The following SLC35B1 variants were observed in gnomAD, a reference collection of about 807,000 sequenced individuals.
The protein encoded by SLC35B1 is solute carrier family 35 member B1.
SLC35B1 carries 27 observed loss-of-function variants against 36.6 expected under a neutral mutation model. That is an observed-to-expected ratio of 0.74 (90% CI 0.54 to 1.02). The LOEUF is 1.02. Among genes scored for constraint, SLC35B1 ranks in the 50% least tolerant of loss-of-function variants. The probability of loss-of-function intolerance (pLI) is 0.00; values close to 1 mark genes in which losing one functional copy is unlikely to be tolerated. For missense variants in SLC35B1, 321 were observed against 383.2 expected (o/e 0.84, Z 1.35); for synonymous variants, 162 against 152.5 (o/e 1.06, Z -0.46).
chr17:49,708,087 C>T (rs1038613903), upstream of SLC35B1: 10 of 759,462 alleles, frequency 1.3e-5, no homozygotes, highest in African/African-American at 5.2e-5. Context: ...TTGGCTCCAT[C>T]CCTGAGGGCC....
Position 49,707,352 on chromosome 17 carries a change from G to C in SLC35B1, c.105-284C>G, listed in dbSNP as rs547909061. On this transcript the variant is annotated intron_variant, in intron 1 of 8. Transcript: ENST00000240333. ...TAGTGAAATCAGGTACCCCAGGCAG[G>C]AGGAGACGGTATTTCGGCTATGGCA... 2.8e-6 allele frequency: 4 copies of C among 1,431,624 alleles called. No individual in the cohort carries two copies. In the East Asian group the frequency reaches 9.7e-5, roughly 35 times the overall value. 88.7% of individuals were successfully genotyped at this position (1,431,624 alleles called of 1,614,324 possible). A position where few individuals can be genotyped will look rare whatever the true frequency, so the allele number is the denominator to read the frequency against.
intron 7 of SLC35B1, 36 bp from the exon 8 acceptor site, chr17:49,703,047 T>C (rs2073371104): frequency 1.2e-6 from 2 of 1,613,000 alleles, no homozygotes; most frequent in Non-Finnish European, 1.7e-6. Context: ...GGTGGGCTTC[T>C]GGGTATCTGC....
At chr17:49,701,565 A>G in intron 8 of SLC35B1, 55 bp from the exon 9 acceptor site, 1 of 1,499,622 alleles carries the variant, frequency 6.7e-7, no homozygotes, top group East Asian at 2.3e-5. Context: ...AAACTTACCA[A>G]TGATTGTGGT....
At chr17:49,701,543 T>A (rs2073351379) in intron 8 of SLC35B1, 33 bp from the exon 9 acceptor site, 1 of 1,597,048 alleles carries the variant, frequency 6.3e-7, no homozygotes, top group Non-Finnish European at 8.6e-7. Context: ...CTTAGCCTTA[T>A]GGGGGGAAAT....
At chr17:49,708,006 A>G (rs2073444474), upstream of SLC35B1, 1 of 1,405,512 alleles carries the variant, frequency 7.1e-7, no homozygotes. Context: ...CTGCCGGCTC[A>G]TGGCTGCCAA....
intron 3 of SLC35B1, 54 bp downstream of exon 3, chr17:49,706,148 CTT>C (rs2143661455): frequency 1.5e-6 from 2 of 1,337,338 alleles, no homozygotes; most frequent in African/African-American, 1.6e-5. Flanking sequence ...GGGAAGAACT[CTT>C]AGTCCTTTTC....
intron 1 of SLC35B1, chr17:49,707,471 T>C: frequency 2.0e-6 from 3 of 1,478,992 alleles, no homozygotes; most frequent in Non-Finnish European, 2.7e-6. Flanking sequence ...AGTCTCAGCC[T>C]GTAAAACGCA....
Position 49,704,212 on chromosome 17 carries a change from G to A in SLC35B1, c.543C>T (p.Thr181=), listed in dbSNP as rs1459054702. ...YGELLLLLSL[T]LDGLTGVSQD... is the part of the protein sequence containing the mutation. ...GGGAAACACCAGTCAGTCCATCCAG[G>A]GTCAGCGATAATAGCTGGGAAAGAA... is the stretch of plus-strand genomic sequence containing the variant. The change falls in exon 6 of 9, where the codon ACC becomes ACT. Residue 181 remains threonine, a synonymous_variant. Transcript: ENST00000240333. The A allele has an allele frequency of 6.2e-7, 1 of 1,613,686 alleles. No homozygotes were observed. The highest frequency in any genetic ancestry group is 8.5e-7 in the Non-Finnish European group (1 of 1,179,942).
intron 1 of SLC35B1, 187 bp from the exon 2 acceptor site, chr17:49,707,255 C>A (rs1025423074): frequency 1.5e-5 from 22 of 1,441,774 alleles, no homozygotes; most frequent in Admixed American, 2.2e-5. Context: ...AACTAGACAT[C>A]CCAGCCTACT....
At chr17:49,703,677 G>A (rs968733917) in intron 6 of SLC35B1, 4 of 327,512 alleles carry the variant, frequency 1.2e-5, no homozygotes, top group African/African-American at 2.1e-5. Flanking sequence ...CCAGTGTGCT[G>A]TATAAAAAAT....
intron 1 of SLC35B1, 169 bp downstream of exon 1, chr17:49,707,561 G>A: frequency 2.7e-6 from 4 of 1,474,720 alleles, no homozygotes; most frequent in Non-Finnish European, 3.6e-6. Context: ...TAATCCTGGA[G>A]TTCTGGAATT....
intron 2 of SLC35B1, 27 bp from the exon 3 acceptor site, chr17:49,706,361 A>G (rs976845008): frequency 1.1e-4 from 136 of 1,253,332 alleles, no homozygotes; most frequent in East Asian, 3.3e-4. Flanking sequence ...AAAAAAAAAA[A>G]AAAAGAAAAG....
At chr17:49,705,324 G>A in intron 4 of SLC35B1, 43 bp from the exon 5 acceptor site, 1 of 1,589,018 alleles carries the variant, frequency 6.3e-7, no homozygotes, top group South Asian at 1.1e-5. Context: ...CATCCATAAG[G>A]TATTGATGAC....
In SLC35B1 at chr17:49,704,194, A is replaced by G. The variant is rs748493569; in HGVS notation, c.561T>C (p.Gly187=). The G allele has an allele frequency of 2.5e-6, 4 of 1,614,028 alleles. No homozygotes were observed. The highest frequency in any genetic ancestry group is 3.4e-4 in the Middle Eastern group (2 of 5,942). ...GAGCCCGCATGTGGTCCTGGGAAACACCAGTCAGTCCATCCAGGGTCAGCG... is the reference window on the plus strand; with the variant it reads ...GAGCCCGCATGTGGTCCTGGGAAACGCCAGTCAGTCCATCCAGGGTCAGCG... ...LLSLTLDGLT[G]VSQDHMRAHY... is the part of the protein sequence containing the mutation. The change falls in exon 6 of 9, where the codon GGT becomes GGC. Residue 187 remains glycine (G), a synonymous_variant. Coordinates refer to ENST00000240333, the MANE Select transcript of SLC35B1 (RefSeq NM_005827.4).
At chr17:49,705,688 T>C (rs888384239) in intron 4 of SLC35B1, 178 bp downstream of exon 4, 3 of 701,506 alleles carry the variant, frequency 4.3e-6, no homozygotes, top group Non-Finnish European at 7.7e-6. Context: ...ATTACCAGCC[T>C]ATGAACATCA....
At chr17:49,704,972 T>TA (rs1237361571) in intron 5 of SLC35B1, 152 bp downstream of exon 5, 1 of 673,002 alleles carries the variant, frequency 1.5e-6, no homozygotes, top group Non-Finnish European at 2.5e-6. Context: ...ATGGCATTAA[T>TA]AGAGTCAGGG....
In SLC35B1 at chr17:49,707,005, G is replaced by A. The variant is rs1449572351; in HGVS notation, c.168C>T (p.Val56=). 6.2e-7 allele frequency: 1 copy of A among 1,613,890 alleles called. No individual in the cohort carries two copies. Among genetic ancestry groups the A allele is most frequent in the East Asian group, 2.2e-5 (1 of 44,874 alleles). The change falls in exon 2 of 9, where the codon GTC becomes GTT. Residue 56 remains valine, a synonymous_variant. Transcript: ENST00000240333. ...QETFTFALTL[V]FIQCVINAVF... ...CAGCATTGATCACACATTGAATGAA[G>A]ACCAAAGTTAAGGCAAAGGTGAACG...
chr17:49,701,188 A>G lies in SLC35B1; in HGVS notation c.*270T>C. On this transcript the variant is annotated 3_prime_UTR_variant, in exon 9 of 9. Coordinates refer to ENST00000240333, the MANE Select transcript of SLC35B1 (RefSeq NM_005827.4). ...CCATGCTAACCACACCCGTGAGAGGAGCAGCCTGGGTAATGAACATCCAGC... is the reference window on the plus strand; with the variant it reads ...CCATGCTAACCACACCCGTGAGAGGGGCAGCCTGGGTAATGAACATCCAGC... 2.6e-6 allele frequency: 1 copy of G among 391,622 alleles called. No homozygotes were observed. Among genetic ancestry groups the G allele is most frequent in the Non-Finnish European group, 4.7e-6 (1 of 210,956 alleles). 24.3% of individuals were successfully genotyped at this position (391,622 alleles called of 1,614,324 possible). A position where few individuals can be genotyped will look rare whatever the true frequency, so the allele number is the denominator to read the frequency against.
At chr17:49,703,546 A>T in intron 6 of SLC35B1, 1 of 428,874 alleles carries the variant, frequency 2.3e-6, no homozygotes, top group East Asian at 4.9e-5. Context: ...AGTTACTTCT[A>T]CCAAAGTGAT....
Sources: gnomAD v4.1 joint callset for allele counts on GRCh38, gnomAD v4.1.1 for gene constraint, MANE v1.5 for transcripts, NCBI Gene and HGNC (gene_info 2026-07-23, HGNC 2026-07-21) for gene names.